Variants in LRRC7 observed in about 807,000 individuals in gnomAD.
The protein encoded by LRRC7 is leucine rich repeat containing 7, also known as leucine-rich repeat-containing protein 7.
A neutral mutation model predicts 175.7 loss-of-function variants in LRRC7; 23 were observed. The ratio of observed to expected loss-of-function variants is 0.13; its 90% CI spans 0.09 to 0.19. The LOEUF (loss-of-function observed/expected upper bound fraction) is 0.19. Ranked by LOEUF, LRRC7 falls within the 10% of genes least tolerant of loss-of-function variation. The probability of loss-of-function intolerance (pLI) is 1.00; values close to 1 mark genes in which losing one functional copy is unlikely to be tolerated. For missense variants in LRRC7, 1,354 were observed against 1,904.7 expected, an observed-to-expected ratio of 0.71 and a Z score of 5.38; for synonymous variants, 685 against 680.9, an observed-to-expected ratio of 1.01 and a Z score of -0.09.
chr1:70,036,761 T>A, intron 20 of LRRC7, 137 bp downstream of exon 20: 1 of 885,212 alleles, frequency 1.1e-6, no homozygotes. Flanking sequence ...TAAGCAAATG[T>A]TGTTCGCCTG....
chr1:69,713,555 A>T (rs931613197), intron 2 of LRRC7, among the ~76,000 whole-genome samples: 5 of 152,190 alleles, frequency 3.3e-5, no homozygotes, highest in African/African-American at 1.2e-4. Flanking sequence ...GTTAAGTTTG[A>T]TGATTACTGC....
intron 7 of LRRC7, among the ~76,000 whole-genome samples, chr1:69,863,145 C>G (rs1684541802): frequency 6.6e-6 from 1 of 152,140 alleles, no homozygotes; most frequent in South Asian, 2.1e-4. Flanking sequence ...TCTGTCAAAT[C>G]TGTCTATTTC....
intron 8 of LRRC7, among the ~76,000 whole-genome samples, chr1:69,934,135 C>T (rs1401170570): frequency 6.6e-6 from 1 of 152,066 alleles, no homozygotes; most frequent in African/African-American, 2.4e-5. Context: ...GATAAGAGAC[C>T]TCTAGAAACA....
chr1:70,096,764 G>C lies in LRRC7; in HGVS notation c.4545+6945G>C, dbSNP rs141440479. On this transcript the variant is annotated intron_variant, in intron 25 of 26. Coordinates refer to ENST00000651989, the MANE Select transcript of LRRC7 (RefSeq NM_001370785.2). ...AGTTTTGTATGACTTGCACCTTCTGGAGTAGCTTCAGCTGGGGTGGTGGCA... is the reference window on the plus strand; with the variant it reads ...AGTTTTGTATGACTTGCACCTTCTGCAGTAGCTTCAGCTGGGGTGGTGGCA... Among the ~76,000 whole-genome samples the C allele has an allele frequency of 1.7e-3, 264 of 152,228 alleles. 1 individual carries two copies. Among genetic ancestry groups the C allele is most frequent in the African/African-American group, 5.5e-3 (228 of 41,544 alleles).
intron 2 of LRRC7, among the ~76,000 whole-genome samples, chr1:69,693,117 T>A (rs1662101361): frequency 6.6e-6 from 1 of 152,228 alleles, no homozygotes; most frequent in African/African-American, 2.4e-5. Flanking sequence ...CTCCAGCTTA[T>A]GAACAGCAGA....
intron 7 of LRRC7, chr1:69,874,067 G>T (rs1051925997): frequency 1.3e-5 from 2 of 152,082 alleles, no homozygotes; most frequent in Non-Finnish European, 2.9e-5. Flanking sequence ...ATTTTGCAAA[G>T]TTCCCAGATG....
rs1647050024 is a variant in LRRC7, at chr1:69,601,067, C to T, written c.2+32426C>T. 2.6e-5 allele frequency among the ~76,000 whole-genome samples: 4 copies of T among 152,210 alleles called. No individual in the cohort carries two copies. In the South Asian group the frequency reaches 8.3e-4, roughly 32 times the overall value. ...CTGACCTCAGGTGATCCGCCTGCCT[C>T]AGCCTCCCAAAGTGCTGGGATTACA... On this transcript the variant is annotated intron_variant, in intron 1 of 26. Coordinates refer to ENST00000651989, the MANE Select transcript of LRRC7 (RefSeq NM_001370785.2).
intron 1 of LRRC7, among the ~76,000 whole-genome samples, chr1:69,646,513 G>A (rs1655027387): frequency 6.6e-6 from 1 of 152,110 alleles, no homozygotes. Context: ...AAAGTTAAAT[G>A]TTGACTTCTA....
chr1:69,910,564 T>G (rs558199918), intron 7 of LRRC7, among the ~76,000 whole-genome samples: 25 of 152,140 alleles, frequency 1.6e-4, no homozygotes, highest in African/African-American at 5.8e-4. Flanking sequence ...CTCTGGAAGT[T>G]TTGTCTCAGA....
At chr1:70,063,330 A>G (rs921476639) in intron 23 of LRRC7, among the ~76,000 whole-genome samples, 54 of 152,134 alleles carry the variant, frequency 3.5e-4, no homozygotes, top group African/African-American at 1.2e-3. Context: ...AATAGCATTT[A>G]TATTGTCTTT....
At chr1:69,875,556 T>G (rs1418920467) in intron 7 of LRRC7, among the ~76,000 whole-genome samples, 1 of 152,064 alleles carries the variant, frequency 6.6e-6, no homozygotes, top group East Asian at 1.9e-4. Context: ...TATGTCCTGG[T>G]TAGTGCTTCA....
At chr1:69,800,768 T>C (rs1311631284) in intron 4 of LRRC7, among the ~76,000 whole-genome samples, 2 of 151,920 alleles carry the variant, frequency 1.3e-5, no homozygotes, top group Admixed American at 1.3e-4. Flanking sequence ...GGACTTCTAA[T>C]ACTATATTGA....
At chr1:70,077,597 G>A (rs1662878307) in intron 24 of LRRC7, among the ~76,000 whole-genome samples, 1 of 152,048 alleles carries the variant, frequency 6.6e-6, no homozygotes, top group African/African-American at 2.4e-5. Context: ...CAATGCATTT[G>A]AAAACGCACT....
intron 8 of LRRC7, among the ~76,000 whole-genome samples, chr1:69,960,019 T>C (rs1032038278): frequency 6.6e-6 from 1 of 151,936 alleles, no homozygotes; most frequent in Non-Finnish European, 1.5e-5. Context: ...TAAGGAGGAG[T>C]CCCTCCTTTT....
At chr1:69,777,617 G>T (rs1190831837) in intron 3 of LRRC7, among the ~76,000 whole-genome samples, 1 of 152,096 alleles carries the variant, frequency 6.6e-6, no homozygotes, top group Non-Finnish European at 1.5e-5. Context: ...CTCCTGTCCT[G>T]TATTACCTGT....
rs187341095 is a variant in LRRC7 at position 70,105,392 on chromosome 1, A to G, written c.4546-2360A>G. ...TAGTGCATAATCATTGTAGAAAAAT[A>G]AGAAAACACAAATAAGGAAAAATAA... On this transcript the variant is annotated intron_variant, in intron 25 of 26. Coordinates refer to ENST00000651989, the MANE Select transcript of LRRC7 (RefSeq NM_001370785.2). Among the ~76,000 whole-genome samples the G allele has an allele frequency of 7.2e-5, 11 of 152,316 alleles. No homozygotes were observed. In the East Asian group the frequency reaches 2.1e-3, roughly 29 times the overall value.
At chr1:69,979,388 A>T (rs771684126) in intron 8 of LRRC7, among the ~76,000 whole-genome samples, 7 of 152,372 alleles carry the variant, frequency 4.6e-5, no homozygotes, top group Non-Finnish European at 8.8e-5. Flanking sequence ...CTCTCTATAC[A>T]GTCTGCTGCC....
rs61782561 is a variant in LRRC7 at position 69,853,616 on chromosome 1, G to A, written c.647+15333G>A. 8.0e-3 allele frequency among the ~76,000 whole-genome samples: 1,224 copies of A among 152,198 alleles called. 12 individuals are homozygous for A. Among genetic ancestry groups the A allele is most frequent in the Middle Eastern group, 0.028 (8 of 290 alleles). On this transcript the variant is annotated intron_variant, in intron 7 of 26. Coordinates refer to ENST00000651989, the MANE Select transcript of LRRC7 (RefSeq NM_001370785.2). ...AAATAATTTTAAATCATTTCTGATA[G>A]AAAATGTTGCATTTGAAATGTTTTA...
At chr1:70,036,725 G>T in intron 20 of LRRC7, 101 bp downstream of exon 20, 1 of 1,297,612 alleles carries the variant, frequency 7.7e-7, no homozygotes, top group Non-Finnish European at 1.1e-6. Context: ...CGGCACACAA[G>T]TGGCATAGAA....
Sources: gnomAD v4.1 joint callset for allele counts (sites outside exome capture counted in the v4.1 genomes callset) on GRCh38, gnomAD v4.1.1 for gene constraint, MANE v1.5 for transcripts, NCBI Gene and HGNC (gene_info 2026-07-23, HGNC 2026-07-21) for gene names.